IQGAP2: variants seen among roughly 807,000 people sequenced by gnomAD.
IQGAP2 encodes ras GTPase-activating-like protein IQGAP2.
A neutral mutation model predicts 201.3 loss-of-function variants in IQGAP2; 173 were observed. The ratio of observed to expected loss-of-function variants is 0.86; its 90% confidence interval spans 0.76 to 0.98. The LOEUF (loss-of-function observed/expected upper bound fraction) is 0.98, where lower values mean the gene tolerates loss of function less well. Among genes scored for constraint, IQGAP2 ranks in the 50% least tolerant of loss-of-function variants. The pLI is 0.00. For synonymous variants in IQGAP2, 675 were observed against 673.9 expected, an observed-to-expected ratio of 1.00 and a Z score of -0.03; for missense variants, 1,687 against 1,864.8, an observed-to-expected ratio of 0.90 and a Z score of 1.76.
At chr5:76,426,159 C>T (rs766039596) in intron 1 of IQGAP2, among the ~76,000 whole-genome samples, 23 of 152,290 alleles carry the variant, frequency 1.5e-4, no homozygotes, top group Non-Finnish European at 2.5e-4. Context: ...ATCAGTTTCA[C>T]GTTAAGGTCT....
intron 1 of IQGAP2, among the ~76,000 whole-genome samples, chr5:76,407,679 G>C (rs543598144): frequency 7.2e-5 from 11 of 152,220 alleles, no homozygotes; most frequent in African/African-American, 2.7e-4. Context: ...TACACATGCT[G>C]TTAGCCAGAA....
chr5:76,618,485 A>G lies in IQGAP2; in HGVS notation c.1521+7302A>G, dbSNP rs750871274. 3.1e-6 allele frequency: 5 copies of G among 1,614,084 alleles called. No homozygotes were observed. In the Admixed American group the frequency reaches 8.3e-5, roughly 27 times the overall value. On this transcript the variant is annotated intron_variant, in intron 13 of 35. Transcript: ENST00000274364. ...CATTTTTCACATGGAGATGTGAAGC[A>G]CTTTCTTCAGGGCACTTAATTTTTA...
At chr5:76,558,102 G>T (rs533930062) in intron 2 of IQGAP2, among the ~76,000 whole-genome samples, 4 of 152,152 alleles carry the variant, frequency 2.6e-5, no homozygotes, top group Non-Finnish European at 5.9e-5. Context: ...ACCATGCCCG[G>T]CCTGGTATCA....
chr5:76,699,641 C>CG (rs1216157178), intron 33 of IQGAP2: 23 of 119,962 alleles, frequency 1.9e-4, no homozygotes, highest in East Asian at 1.2e-3. Context: ...CTCTCTCTCT[C>CG]TCTCTCTCTC....
chr5:76,536,823 AT>A (rs1268098801), intron 2 of IQGAP2, among the ~76,000 whole-genome samples: 2 of 151,668 alleles, frequency 1.3e-5, no homozygotes, highest in Non-Finnish European at 2.9e-5. Context: ...TTCTCCACTT[AT>A]TTTTTACCTG....
intron 1 of IQGAP2, among the ~76,000 whole-genome samples, chr5:76,418,201 C>T (rs1471560812): frequency 1.2e-4 from 14 of 114,208 alleles, no homozygotes; most frequent in African/African-American, 4.0e-4. Flanking sequence ...AGAGAGACTC[C>T]GTCTCAAAAA....
intron 5 of IQGAP2, among the ~76,000 whole-genome samples, chr5:76,583,386 C>T (rs1366948331): frequency 6.6e-6 from 1 of 151,784 alleles, no homozygotes; most frequent in East Asian, 1.9e-4. Context: ...TGTAAAACGC[C>T]CATACCATGA....
At chr5:76,531,053 G>C (rs1448600512) in intron 2 of IQGAP2, among the ~76,000 whole-genome samples, 1 of 152,132 alleles carries the variant, frequency 6.6e-6, no homozygotes, top group Admixed American at 6.5e-5. Flanking sequence ...AAACACCCAA[G>C]ACTAGGTAAT....
chr5:76,663,339 C>T (rs968554874), intron 21 of IQGAP2, among the ~76,000 whole-genome samples: 1 of 152,160 alleles, frequency 6.6e-6, no homozygotes, highest in East Asian at 1.9e-4. Context: ...AGAGTCCTCA[C>T]GTGGAGGTCC....
At chr5:76,691,313 GTT>G (rs1746245764) in intron 30 of IQGAP2, 1 of 152,156 alleles carries the variant, frequency 6.6e-6, no homozygotes, top group South Asian at 2.1e-4. Context: ...GGTGGGGCAC[GTT>G]TTATTGACTC....
At chr5:76,573,635 G>A (rs529399051) in intron 4 of IQGAP2, among the ~76,000 whole-genome samples, 5 of 150,138 alleles carry the variant, frequency 3.3e-5, no homozygotes, top group South Asian at 2.1e-4. Context: ...TTTTTGAGAC[G>A]GAGTCTCGCT....
intron 1 of IQGAP2, among the ~76,000 whole-genome samples, chr5:76,420,908 C>T (rs1175737042): frequency 4.6e-5 from 7 of 152,164 alleles, no homozygotes; most frequent in Non-Finnish European, 7.3e-5. Context: ...ATCCGTACTT[C>T]CTTTTTAAGG....
chr5:76,614,264 G>A (rs944949641), intron 13 of IQGAP2, among the ~76,000 whole-genome samples: 21 of 152,156 alleles, frequency 1.4e-4, no homozygotes, highest in African/African-American at 4.8e-4. Flanking sequence ...CCAGCTCTGT[G>A]TCAGGCATCC....
intron 21 of IQGAP2, among the ~76,000 whole-genome samples, chr5:76,663,752 C>A (rs1743482135): frequency 6.6e-6 from 1 of 151,866 alleles, no homozygotes; most frequent in African/African-American, 2.4e-5. Context: ...AGGTTGATCT[C>A]AAACTCCTGG....
intron 21 of IQGAP2, among the ~76,000 whole-genome samples, chr5:76,663,349 C>T (rs527678206): frequency 4.6e-5 from 7 of 152,282 alleles, no homozygotes; most frequent in South Asian, 2.1e-4. Context: ...CGTGGAGGTC[C>T]AGCTAAGAGC....
intron 30 of IQGAP2, among the ~76,000 whole-genome samples, chr5:76,688,564 G>A (rs1414902347): frequency 1.8e-4 from 27 of 152,148 alleles, no homozygotes; most frequent in Non-Finnish European, 1.5e-4. Flanking sequence ...CAAACCTTTT[G>A]AGAGCTGACA....
intron 13 of IQGAP2, among the ~76,000 whole-genome samples, chr5:76,624,659 C>T (rs1750052319): frequency 6.6e-6 from 1 of 152,116 alleles, no homozygotes; most frequent in South Asian, 2.1e-4. Flanking sequence ...TGCACATGGC[C>T]TAGTTTCTGG....
At chr5:76,702,160 A>C (rs1747459963) in intron 34 of IQGAP2, among the ~76,000 whole-genome samples, 1 of 152,250 alleles carries the variant, frequency 6.6e-6, no homozygotes. Context: ...CTATAGGTCA[A>C]TAATGTTCAT....
At position 76,685,882 on chromosome 5, in the gene IQGAP2, A is replaced by G. The variant is rs77720536; in HGVS notation, c.3905+1965A>G. 8.4e-3 allele frequency among the ~76,000 whole-genome samples: 1,286 copies of G among 152,316 alleles called. 17 individuals are homozygous for G. Among genetic ancestry groups the G allele is most frequent in the African/African-American group, 0.029 (1,188 of 41,556 alleles). On this transcript the variant is annotated intron_variant, in intron 30 of 35. Coordinates refer to ENST00000274364, the MANE Select transcript of IQGAP2 (RefSeq NM_006633.5). ...ACCATCACTGTTGTCTAGTTCCAGA[A>G]CATTTTTATCAGATGTGAACCCTGT...
Sources: allele counts gnomAD v4.1 joint callset (sites outside exome capture counted in the v4.1 genomes callset), GRCh38; gene constraint gnomAD v4.1.1; transcripts MANE v1.5; gene names NCBI Gene and HGNC (gene_info 2026-07-23, HGNC 2026-07-21).